NFIA: variants seen among roughly 807,000 people sequenced by gnomAD.
The protein encoded by NFIA is nuclear factor I A.
A neutral mutation model predicts 62.8 loss-of-function variants in NFIA; 8 were observed. That is an observed-to-expected ratio of 0.13 (90% confidence interval 0.07 to 0.23). The LOEUF is 0.23. Ranked by LOEUF, NFIA falls within the 10% of genes least tolerant of loss-of-function variation. NFIA has a pLI of 1.00. For synonymous variants in NFIA, 235 were observed against 238.1 expected (o/e 0.99, Z 0.12); for missense variants, 410 against 642.1 (o/e 0.64, Z 3.91).
intron 2 of NFIA, among the ~76,000 whole-genome samples, chr1:61,174,132 A>T (rs929834932): frequency 6.6e-6 from 1 of 152,016 alleles, no homozygotes; most frequent in Non-Finnish European, 1.5e-5. Flanking sequence ...CCCCCTTCAG[A>T]TGTGAGGTGT....
intron 2 of NFIA, among the ~76,000 whole-genome samples, chr1:61,114,970 GTTTGT>G (rs1249975885): frequency 2.0e-5 from 3 of 152,010 alleles, no homozygotes; most frequent in Non-Finnish European, 4.4e-5. Context: ...ATTTGTTGTT[GTTTGT>G]TTTGTTTTGT....
chr1:61,077,357 T>TGAGAGCGAGCGAGCGAGCGAGC, upstream of NFIA: 1 of 362,480 alleles, frequency 2.8e-6, no homozygotes, highest in Non-Finnish European at 4.9e-6. Flanking sequence ...AAAGAGAGAG[T>TGAGAGCGAGCGAGCGAGCGAGC]GAGAGCGAGC....
intron 2 of NFIA, among the ~76,000 whole-genome samples, chr1:61,202,205 T>C (rs1447421829): frequency 6.6e-6 from 1 of 152,214 alleles, no homozygotes. Flanking sequence ...AGTGTAATTA[T>C]GGTCATAAAC....
At chr1:61,277,660 T>A in intron 3 of NFIA, 75 bp downstream of exon 3, 1 of 1,478,060 alleles carries the variant, frequency 6.8e-7, no homozygotes, top group Non-Finnish European at 9.4e-7. Flanking sequence ...GTGTGAGGAT[T>A]TGGGGGCCTA....
At chr1:61,081,014 G>A (rs1440676586), upstream of NFIA, among the ~76,000 whole-genome samples, 1 of 152,108 alleles carries the variant, frequency 6.6e-6, no homozygotes, top group East Asian at 1.9e-4. Flanking sequence ...CTACAGGAAT[G>A]TCCCCTCTTT....
intron 1 of NFIA, among the ~76,000 whole-genome samples, chr1:61,085,243 T>C (rs1646198520): frequency 1.3e-5 from 2 of 152,150 alleles, no homozygotes; most frequent in Non-Finnish European, 1.5e-5. Context: ...TAATCAAATA[T>C]GGGCATATAA....
upstream of NFIA, chr1:61,081,736 A>G: frequency 1.3e-6 from 1 of 748,118 alleles, no homozygotes; most frequent in South Asian, 1.9e-5. Flanking sequence ...TTCTGTGGGC[A>G]CTGATTCCTC....
At chr1:61,082,378 C>T (rs1490047236), upstream of NFIA, 10 of 662,358 alleles carry the variant, frequency 1.5e-5, no homozygotes, top group African/African-American at 2.0e-5. Flanking sequence ...CCCCCTCCCC[C>T]CCGCGGCGGC....
At chr1:61,388,224 A>G (rs1664799400) in intron 7 of NFIA, among the ~76,000 whole-genome samples, 1 of 152,214 alleles carries the variant, frequency 6.6e-6, no homozygotes, top group South Asian at 2.1e-4. Context: ...CAGTAGAGGC[A>G]TTTGTACATC....
At chr1:61,128,534 G>T (rs1226367894) in intron 2 of NFIA, among the ~76,000 whole-genome samples, 2 of 152,092 alleles carry the variant, frequency 1.3e-5, no homozygotes, top group African/African-American at 4.8e-5. Flanking sequence ...AGTCCGGGAG[G>T]TGGAGGTTAC....
chr1:61,411,648 A>G (rs1414064514), intron 9 of NFIA, among the ~76,000 whole-genome samples: 1 of 152,022 alleles, frequency 6.6e-6, no homozygotes, highest in Non-Finnish European at 1.5e-5. Context: ...AAGACAGTGA[A>G]CAAAATAGTG....
At chr1:61,170,585 T>C (rs1422881665) in intron 2 of NFIA, among the ~76,000 whole-genome samples, 1 of 152,178 alleles carries the variant, frequency 6.6e-6, no homozygotes, top group Non-Finnish European at 1.5e-5. Flanking sequence ...CTTGAACTCT[T>C]GCCTGGGAAT....
chr1:61,430,191 T>C (rs572883477), intron 10 of NFIA, among the ~76,000 whole-genome samples: 1 of 152,230 alleles, frequency 6.6e-6, no homozygotes, highest in South Asian at 2.1e-4. Flanking sequence ...AAGTGGACTG[T>C]TGATCAGAGT....
At chr1:61,412,210 A>G (rs1666134826) in intron 9 of NFIA, among the ~76,000 whole-genome samples, 1 of 152,200 alleles carries the variant, frequency 6.6e-6, no homozygotes, top group South Asian at 2.1e-4. Flanking sequence ...AGTGAACAAA[A>G]CAGACAAAAA....
chr1:61,128,809 G>A (rs1647020610), intron 2 of NFIA, among the ~76,000 whole-genome samples: 1 of 150,760 alleles, frequency 6.6e-6, no homozygotes, highest in Admixed American at 6.6e-5. Flanking sequence ...TCTGTTGATA[G>A]AATTCCCTAT....
chr1:61,199,388 T>C (rs1331660435), intron 2 of NFIA, among the ~76,000 whole-genome samples: 1 of 152,218 alleles, frequency 6.6e-6, no homozygotes, highest in Non-Finnish European at 1.5e-5. Context: ...GCAAGTCGAT[T>C]TACCTGTGTT....
chr1:61,418,496 C>T (rs760417740), intron 9 of NFIA, among the ~76,000 whole-genome samples: 1 of 151,978 alleles, frequency 6.6e-6, no homozygotes, highest in Non-Finnish European at 1.5e-5. Flanking sequence ...TCCCAGTCTT[C>T]AAAGACAATC....
chr1:61,228,527 G>A (rs754233064), intron 2 of NFIA, among the ~76,000 whole-genome samples: 1 of 152,206 alleles, frequency 6.6e-6, no homozygotes, highest in Non-Finnish European at 1.5e-5. Flanking sequence ...TGGCCAAAAT[G>A]TGACAGGGTT....
chr1:61,378,193 A>G (rs535301990), intron 6 of NFIA, among the ~76,000 whole-genome samples: 4 of 152,350 alleles, frequency 2.6e-5, no homozygotes, highest in Admixed American at 1.3e-4. Context: ...ATCAAATTGC[A>G]GTGAAAAATT....
Sources: allele counts gnomAD v4.1 joint callset (sites outside exome capture counted in the v4.1 genomes callset), GRCh38; gene constraint gnomAD v4.1.1; transcripts MANE v1.5; gene names NCBI Gene and HGNC (gene_info 2026-07-23, HGNC 2026-07-21).